Variants in AFAP1L2 observed in about 807,000 individuals in gnomAD.
The protein encoded by AFAP1L2 is actin filament-associated protein 1-like 2.
Under a neutral mutation model 99.3 loss-of-function variants are expected in AFAP1L2, and 46 were observed. The ratio of observed to expected loss-of-function variants is 0.46; its 90% CI spans 0.37 to 0.59. The LOEUF is 0.59. Among genes scored for constraint, AFAP1L2 ranks in the 20% least tolerant of loss-of-function variants. AFAP1L2 has a pLI of 0.00. For missense variants in AFAP1L2, 959 were observed against 1,034.9 expected, an observed-to-expected ratio of 0.93 and a Z score of 1.01; for synonymous variants, 397 against 419.1, an observed-to-expected ratio of 0.95 and a Z score of 0.64.
At chr10:114,291,550 C>G (rs1224833296), downstream of AFAP1L2, 1 of 344,532 alleles carries the variant, frequency 2.9e-6, no homozygotes, top group Non-Finnish European at 5.3e-6. Context: ...CATCTGCCAC[C>G]TTTCCCTTGA....
At chr10:114,330,929 G>A (rs1051090810) in intron 4 of AFAP1L2, among the ~76,000 whole-genome samples, 1 of 152,204 alleles carries the variant, frequency 6.6e-6, no homozygotes, top group Admixed American at 6.5e-5. Flanking sequence ...GTGCAGATGG[G>A]GGAGGGATGC....
chr10:114,357,659 C>A (rs1302054709), intron 1 of AFAP1L2, among the ~76,000 whole-genome samples: 1 of 152,160 alleles, frequency 6.6e-6, no homozygotes, highest in East Asian at 1.9e-4. Context: ...ATGCAAATTC[C>A]AATTTCCCCA....
chr10:114,389,777 T>C (rs1161180207), intron 1 of AFAP1L2, among the ~76,000 whole-genome samples: 1 of 152,230 alleles, frequency 6.6e-6, no homozygotes, highest in Non-Finnish European at 1.5e-5. Context: ...TAGTCTGTTA[T>C]CACAGCTTCA....
chr10:114,403,339 C>T (rs1160262199), intron 1 of AFAP1L2, among the ~76,000 whole-genome samples: 1 of 152,192 alleles, frequency 6.6e-6, no homozygotes, highest in East Asian at 1.9e-4. Context: ...AAAGACAAGA[C>T]TACTTTAGGG....
intron 4 of AFAP1L2, among the ~76,000 whole-genome samples, chr10:114,329,297 A>C (rs1474452147): frequency 6.6e-6 from 1 of 152,188 alleles, no homozygotes; most frequent in Admixed American, 6.5e-5. Context: ...TTGGAATCCC[A>C]GGGCCCGCAG....
intron 1 of AFAP1L2, among the ~76,000 whole-genome samples, chr10:114,363,914 T>C (rs1421395407): frequency 6.6e-6 from 1 of 152,204 alleles, no homozygotes; most frequent in Non-Finnish European, 1.5e-5. Context: ...AGAAAGTGCC[T>C]TGCCCAAAGA....
At chr10:114,286,098 C>T in the AFAP1L2 span, 1 of 1,614,164 alleles carries the variant, frequency 6.2e-7, no homozygotes, top group Non-Finnish European at 8.5e-7. Context: ...GGTGTGGCCA[C>T]ATACAGCAGG....
the AFAP1L2 span, chr10:114,281,712 T>A: frequency 7.1e-6 from 7 of 984,826 alleles, no homozygotes; most frequent in Non-Finnish European, 8.4e-6. Context: ...GGGGCGGGGC[T>A]GGGGCACTGC....
At position 114,334,027 on chromosome 10, in the gene AFAP1L2, C is replaced by A. The variant is rs544110903; in HGVS notation, c.146-732G>T. The stretch of plus-strand genomic sequence containing the variant: ...ACCTGGAAGTTTAGTTCGCAGGCCT[C>A]TAGGTAGGGGGCCATTGGATGGGTG... On this transcript the variant is annotated intron_variant, in intron 2 of 18. Transcript: ENST00000304129. Among the ~76,000 whole-genome samples, 120 of 152,256 alleles carry A rather than the reference C, an allele frequency of 7.9e-4. No individual in the cohort carries two copies. The South Asian group carries it at 8.9e-3, about 11-fold the overall frequency.
At chr10:114,381,763 A>G (rs2055646436) in intron 1 of AFAP1L2, among the ~76,000 whole-genome samples, 1 of 152,162 alleles carries the variant, frequency 6.6e-6, no homozygotes, top group Non-Finnish European at 1.5e-5. Context: ...AATCTTTGCA[A>G]CTCATACTTA....
rs2483911 is a variant in AFAP1L2, at chr10:114,377,103, C to T, written c.16+27337G>A. ...TACATGTGAAACATCTCCTTTGGTC[C>T]ATGGTTTACTAATTCACACTCACCC... On this transcript the variant is annotated intron_variant, in intron 1 of 18. Transcript: ENST00000304129. The surrounding 1 kb of genome is among the most constrained non-coding windows in gnomAD (Gnocchi z 4.0). 0.17 allele frequency among the ~76,000 whole-genome samples: 25,686 copies of T among 152,192 alleles called. 2,767 individuals carry two copies. The highest frequency in any genetic ancestry group is 0.24 in the Non-Finnish European group (16,180 of 67,996).
the AFAP1L2 span, chr10:114,289,136 C>T: frequency 1.2e-6 from 2 of 1,613,884 alleles, no homozygotes; most frequent in Admixed American, 3.3e-5. Flanking sequence ...ACCAAACCCA[C>T]CCGGGCTGCG....
chr10:114,403,019 C>A (rs548472029), intron 1 of AFAP1L2, among the ~76,000 whole-genome samples: 1 of 152,348 alleles, frequency 6.6e-6, no homozygotes, highest in South Asian at 2.1e-4. Flanking sequence ...TTACAAGGAG[C>A]AGGACTGTGG....
intron 4 of AFAP1L2, among the ~76,000 whole-genome samples, chr10:114,324,233 G>A (rs1391124690): frequency 6.6e-6 from 1 of 152,210 alleles, no homozygotes; most frequent in Non-Finnish European, 1.5e-5. Flanking sequence ...CCTTGAACAT[G>A]GGTCTCCAGT....
chr10:114,284,682 C>T, the AFAP1L2 span, among the ~76,000 whole-genome samples: 1 of 152,318 alleles, frequency 6.6e-6, no homozygotes, highest in South Asian at 2.1e-4. Context: ...TGCCCAGCCC[C>T]TCCTTTATGA....
chr10:114,300,253 A>G lies in AFAP1L2; in HGVS notation c.1898T>C (p.Val633Ala), dbSNP rs751821977. 2 of 1,613,994 alleles carry G rather than the reference A, an allele frequency of 1.2e-6. No individual in the cohort carries two copies. Among genetic ancestry groups the G allele is most frequent in the East Asian group, 4.5e-5 (2 of 44,876 alleles). The change falls in exon 15 of 19, where the codon GTG becomes GCG. Residue 633 changes from valine (V) to alanine (A), a missense_variant. This residue lies in a region of AFAP1L2 where 576 missense variants were observed against 562.1 expected (regional missense o/e 1.02). Coordinates refer to ENST00000304129, the MANE Select transcript of AFAP1L2 (RefSeq NM_001001936.3). ...SFPPSCPDAV[V>A]ATPPGASPPV... ...TGGGCTGGCACCAGGTGGGGTGGCC[A>G]CCACGGCATCCGGGCAGCTCGGTGG... is the stretch of plus-strand genomic sequence containing the variant.
At chr10:114,314,202 G>A in intron 6 of AFAP1L2, 152 bp from the exon 7 acceptor site, 1 of 652,904 alleles carries the variant, frequency 1.5e-6, no homozygotes, top group Non-Finnish European at 2.5e-6. Context: ...AAGCAGGCCT[G>A]GAGCCTTAAC....
At position 114,302,487 on chromosome 10, in the gene AFAP1L2, G is replaced by A. The variant is rs1260882819; in HGVS notation, c.1285-3C>T. 3 of 1,613,826 alleles carry A rather than the reference G, an allele frequency of 1.9e-6. No homozygotes were observed. Among genetic ancestry groups the A allele is most frequent in the Non-Finnish European group, 2.5e-6 (3 of 1,180,014 alleles). On this transcript the variant is annotated splice_polypyrimidine_tract_variant and splice_region_variant and intron_variant, in intron 11 of 18. Transcript: ENST00000304129. ...CCCATTTCCTCGGAAGACTTGGCCT[G>A]GAACGAGGCCAAGAGAGACATAAGC...
the AFAP1L2 span, chr10:114,286,464 A>G: frequency 6.2e-7 from 1 of 1,602,946 alleles, no homozygotes; most frequent in East Asian, 2.2e-5. Flanking sequence ...GATCTGTTCA[A>G]CCAAATCCCT....
Sources: allele counts gnomAD v4.1 joint callset (sites outside exome capture counted in the v4.1 genomes callset), GRCh38; gene constraint gnomAD v4.1.1; regional missense constraint gnomAD v4.1.1; non-coding constraint Gnocchi (gnomAD v3.1); transcripts MANE v1.5; gene names NCBI Gene and HGNC (gene_info 2026-07-23, HGNC 2026-07-21).